The following CDHR3 variants were observed in gnomAD, a reference collection of about 807,000 sequenced individuals.
CDHR3 encodes the protein cadherin-related family member 3.
Under a neutral mutation model 86.6 loss-of-function variants are expected in CDHR3, and 79 were observed. The ratio of observed to expected loss-of-function variants is 0.91; its 90% CI spans 0.76 to 1.10. CDHR3 has a LOEUF of 1.10. CDHR3 is among the 50% of genes least tolerant of loss of function. The pLI, the probability that CDHR3 is intolerant of heterozygous loss-of-function variation, is 0.00. For synonymous variants in CDHR3, 421 were observed against 402.4 expected (o/e 1.05, Z -0.55); for missense variants, 1,081 against 1,077.6 (o/e 1.00, Z -0.04).
At chr7:106,006,510 C>T (rs1470154983) in intron 8 of CDHR3, among the ~76,000 whole-genome samples, 1 of 152,214 alleles carries the variant, frequency 6.6e-6, no homozygotes, top group Admixed American at 6.5e-5. Context: ...GTAAATACAG[C>T]TGTTCCAATG....
chr7:105,976,526 T>C (rs1176735006), intron 2 of CDHR3, among the ~76,000 whole-genome samples: 2 of 152,190 alleles, frequency 1.3e-5, no homozygotes, highest in African/African-American at 4.8e-5. Flanking sequence ...ATATTCACAG[T>C]CATGCAAGCA....
At chr7:105,994,906 G>C (rs1585649493) in intron 5 of CDHR3, 61 bp downstream of exon 5, 2 of 1,371,652 alleles carry the variant, frequency 1.5e-6, no homozygotes, top group East Asian at 4.9e-5. Context: ...GAAAACATGA[G>C]GGATAGGTCA....
rs548527847 is a variant in CDHR3 at position 105,992,604 on chromosome 7, C to T, written c.514-2147C>T. The stretch of plus-strand genomic sequence containing the variant: ...GAGCAGAAAACACCTAAATGATCAG[C>T]AAGAAAGATTTAGTAAAATAAACCC... On this transcript the variant is annotated intron_variant, in intron 4 of 18. Coordinates refer to ENST00000317716, the MANE Select transcript of CDHR3 (RefSeq NM_152750.5). 6.6e-5 allele frequency among the ~76,000 whole-genome samples: 10 copies of T among 152,292 alleles called. No individual in the cohort carries two copies. The South Asian group carries it at 2.1e-3, about 32-fold the overall frequency.
At chr7:105,990,432 C>T (rs1021036415) in intron 4 of CDHR3, among the ~76,000 whole-genome samples, 5 of 151,986 alleles carry the variant, frequency 3.3e-5, no homozygotes, top group Admixed American at 2.6e-4. Flanking sequence ...TGAGCTGAGA[C>T]GAGGGTGGAA....
chr7:105,973,503 C>T (rs569468785), intron 1 of CDHR3, among the ~76,000 whole-genome samples: 2 of 152,226 alleles, frequency 1.3e-5, no homozygotes, highest in South Asian at 4.2e-4. Flanking sequence ...TTTCCATTCC[C>T]GGGCTTGTAG....
intron 8 of CDHR3, among the ~76,000 whole-genome samples, chr7:106,007,456 C>T (rs895962583): frequency 6.6e-6 from 1 of 152,176 alleles, no homozygotes; most frequent in Non-Finnish European, 1.5e-5. Context: ...TAACAGCACC[C>T]AAGTCACATC....
chr7:106,022,922 C>A (rs900679364), intron 14 of CDHR3, among the ~76,000 whole-genome samples: 2 of 152,228 alleles, frequency 1.3e-5, no homozygotes, highest in Non-Finnish European at 2.9e-5. Context: ...GTACCCTACA[C>A]CCCACCTCCG....
At position 105,993,549 on chromosome 7, in the gene CDHR3, A is replaced by G. The variant is rs577987131; in HGVS notation, c.514-1202A>G. On this transcript the variant is annotated intron_variant, in intron 4 of 18. Transcript: ENST00000317716. The stretch of plus-strand genomic sequence containing the variant: ...AAATTAGCCAGGTGTGGTGGCACAC[A>G]CCTGTAGTCCCAGCCACTCGTGAGG... Among the ~76,000 whole-genome samples, 10 of 151,906 alleles carry G rather than the reference A, an allele frequency of 6.6e-5. No individual in the cohort carries two copies. In the East Asian group the frequency reaches 1.9e-3, roughly 29 times the overall value.
At chr7:106,024,356 C>G (rs1259782632) in intron 14 of CDHR3, 25 bp from the exon 15 acceptor site, 1 of 1,609,020 alleles carries the variant, frequency 6.2e-7, no homozygotes, top group Non-Finnish European at 8.5e-7. Context: ...CCTCTACTCA[C>G]CCTCCCTGCT....
At chr7:105,999,944 C>T (rs1446861751) in intron 6 of CDHR3, among the ~76,000 whole-genome samples, 1 of 152,162 alleles carries the variant, frequency 6.6e-6, no homozygotes, top group African/African-American at 2.4e-5. Flanking sequence ...AGAACCCGCT[C>T]ATGATGACCA....
intron 18 of CDHR3, among the ~76,000 whole-genome samples, chr7:106,031,571 G>A (rs563534451): frequency 3.9e-4 from 59 of 152,334 alleles, no homozygotes; most frequent in African/African-American, 1.3e-3. Flanking sequence ...GGCTGCCGCC[G>A]CCGCTGCTGC....
intron 11 of CDHR3, among the ~76,000 whole-genome samples, chr7:106,016,498 C>T (rs1249771791): frequency 6.6e-6 from 1 of 152,146 alleles, no homozygotes; most frequent in Non-Finnish European, 1.5e-5. Context: ...TTTACAACAC[C>T]CTGCTTTTTG....
chr7:106,018,248 C>T (rs1164600263), intron 12 of CDHR3, among the ~76,000 whole-genome samples, 176 bp downstream of exon 12: 2 of 151,842 alleles, frequency 1.3e-5, no homozygotes, highest in African/African-American at 4.8e-5. Flanking sequence ...TTTCTTTTTT[C>T]GTTTTTGAGG....
chr7:105,995,752 T>C (rs992252597), intron 5 of CDHR3, among the ~76,000 whole-genome samples: 1 of 152,166 alleles, frequency 6.6e-6, no homozygotes, highest in African/African-American at 2.4e-5. Context: ...GGGTGATCTA[T>C]ACAAGATTTC....
chr7:105,978,539 C>T (rs1829170559), intron 2 of CDHR3, among the ~76,000 whole-genome samples: 1 of 152,132 alleles, frequency 6.6e-6, no homozygotes, highest in African/African-American at 2.4e-5. Flanking sequence ...ATCGAGGGTC[C>T]ACCACTCCCA....
Position 106,028,932 on chromosome 7 carries a change from C to CTTTCTTTT in CDHR3, c.2304+357_2304+358insTTTTCTTT, listed in dbSNP as rs1554532726. On this transcript the variant is annotated intron_variant, in intron 17 of 18. Transcript: ENST00000317716. Reference sequence around the variant, plus strand: ...AGATTTAAATTTTCTTTCTTTCTTTCTTTCTTTCTTTCTTTCTTTCTTTCT... The same window carrying CTTTCTTTT: ...AGATTTAAATTTTCTTTCTTTCTTTCTTTCTTTTTTTCTTTCTTTCTTTCTTTCTTTCT... Among the ~76,000 whole-genome samples the CTTTCTTTT allele has an allele frequency of 2.0e-3, 236 of 116,112 alleles. 1 individual carries two copies. Among genetic ancestry groups the CTTTCTTTT allele is most frequent in the African/African-American group, 7.1e-3 (214 of 30,350 alleles). The allele number at this position is 116,112 out of a possible 152,430, so 76.2% of individuals were successfully genotyped here.
intron 4 of CDHR3, among the ~76,000 whole-genome samples, chr7:105,985,659 G>T (rs1830416135): frequency 6.6e-6 from 1 of 150,660 alleles, no homozygotes; most frequent in Admixed American, 6.6e-5. Context: ...ATCCTTCTGT[G>T]TAAAAAAAAA....
intron 2 of CDHR3, among the ~76,000 whole-genome samples, 164 bp from the exon 3 acceptor site, chr7:105,980,804 G>C (rs961709657): frequency 2.6e-5 from 4 of 151,990 alleles, no homozygotes; most frequent in Non-Finnish European, 5.9e-5. Context: ...TAGGGCTTAT[G>C]TTGGAAGGAC....
chr7:106,016,522 C>G (rs1038096283), intron 11 of CDHR3, among the ~76,000 whole-genome samples: 2 of 152,152 alleles, frequency 1.3e-5, no homozygotes, highest in African/African-American at 4.8e-5. Flanking sequence ...GCTCCTCCCC[C>G]TTTAAGGAAA....
Sources: allele counts gnomAD v4.1 joint callset (sites outside exome capture counted in the v4.1 genomes callset), GRCh38; gene constraint gnomAD v4.1.1; transcripts MANE v1.5; gene names NCBI Gene and HGNC (gene_info 2026-07-23, HGNC 2026-07-21).